Variants in BCL2L13 observed in about 807,000 individuals in gnomAD.
The protein encoded by BCL2L13 is bcl-2-like protein 13.
Under a neutral mutation model 25.8 loss-of-function variants are expected in BCL2L13, and 13 were observed. The ratio of observed to expected loss-of-function variants is 0.50; its 90% CI spans 0.33 to 0.80. The LOEUF (loss-of-function observed/expected upper bound fraction) is 0.80. BCL2L13 is among the 30% of genes least tolerant of loss of function. The pLI, the probability that BCL2L13 is intolerant of heterozygous loss-of-function variation, is 0.02. For synonymous variants in BCL2L13, 244 were observed against 230.3 expected (o/e 1.06, Z -0.54); for missense variants, 504 against 574.9 (o/e 0.88, Z 1.26).
Position 17,661,241 on chromosome 22 carries a change from C to T in BCL2L13, c.121+5409C>T, listed in dbSNP as rs1006821725. ...CCAAGTAGCTGGGATTACAGGCGCC[C>T]GCCACTGCCCCTGGCTAATTTTTGT... On this transcript the variant is annotated intron_variant, in intron 2 of 6. Transcript: ENST00000317582. 3.4e-5 allele frequency among the ~76,000 whole-genome samples: 5 copies of T among 145,258 alleles called. 1 individual carries two copies. The South Asian group carries it at 6.4e-4, about 19-fold the overall frequency.
chr22:17,656,757 C>T (rs983259381), intron 2 of BCL2L13, among the ~76,000 whole-genome samples: 2 of 152,058 alleles, frequency 1.3e-5, no homozygotes, highest in East Asian at 3.8e-4. Context: ...CTTTCACTTA[C>T]AATTGTTGAG....
At chr22:17,639,851 T>A (rs1385616696) in intron 1 of BCL2L13, among the ~76,000 whole-genome samples, 1 of 144,598 alleles carries the variant, frequency 6.9e-6, no homozygotes, top group Non-Finnish European at 1.5e-5. Flanking sequence ...TCAGATACCT[T>A]CTTTCTTTTT....
chr22:17,637,158 G>C (rs1261670280), upstream of BCL2L13, among the ~76,000 whole-genome samples: 1 of 152,002 alleles, frequency 6.6e-6, no homozygotes, highest in Non-Finnish European at 1.5e-5. Flanking sequence ...TGTAATCCCA[G>C]CACTTTGGGA....
rs1188835737 is a variant in BCL2L13 at position 17,728,878 on chromosome 22, TC to T, written c.*1346del. On this transcript the variant is annotated 3_prime_UTR_variant, in exon 7 of 7. Coordinates refer to ENST00000317582, the MANE Select transcript of BCL2L13 (RefSeq NM_015367.4). Reference sequence around the variant, plus strand: ...AGTTGAGCATCGGCATAATTTTCTTTCCTCTGGCTGATCCCAGCCCTAAAGG... The same window carrying T: ...AGTTGAGCATCGGCATAATTTTCTTTCTCTGGCTGATCCCAGCCCTAAAGG... 2.0e-5 allele frequency: 3 copies of T among 152,196 alleles called. No homozygotes were observed. The highest frequency in any genetic ancestry group is 4.4e-5 in the Non-Finnish European group (3 of 68,048). 9.4% of individuals were successfully genotyped at this position (152,196 alleles called of 1,614,324 possible).
intron 4 of BCL2L13, among the ~76,000 whole-genome samples, chr22:17,694,188 G>A (rs904595143): frequency 2.0e-5 from 3 of 151,240 alleles, no homozygotes; most frequent in African/African-American, 7.4e-5. Flanking sequence ...GCCTTCATAT[G>A]TTACTTGGTC....
At chr22:17,662,217 G>A (rs1046436320) in intron 2 of BCL2L13, among the ~76,000 whole-genome samples, 1 of 151,956 alleles carries the variant, frequency 6.6e-6, no homozygotes, top group Non-Finnish European at 1.5e-5. Flanking sequence ...GGTGGCTCAC[G>A]CCTGTAATCC....
At chr22:17,686,793 A>T (rs564452468) in intron 3 of BCL2L13, among the ~76,000 whole-genome samples, 1 of 152,190 alleles carries the variant, frequency 6.6e-6, no homozygotes, top group East Asian at 1.9e-4. Flanking sequence ...ACCGGTGTGA[A>T]ACACTGTGCC....
intron 6 of BCL2L13, among the ~76,000 whole-genome samples, chr22:17,710,995 A>T (rs1375041691): frequency 1.3e-5 from 2 of 152,192 alleles, no homozygotes; most frequent in Non-Finnish European, 2.9e-5. Context: ...AGATGAAAAG[A>T]TCCTCTAGAT....
intron 2 of BCL2L13, among the ~76,000 whole-genome samples, chr22:17,680,624 G>A (rs1193571239): frequency 5.9e-5 from 9 of 151,646 alleles, no homozygotes; most frequent in Admixed American, 5.9e-4. Flanking sequence ...TCTCCGAGGG[G>A]AGTGCATTGC....
chr22:17,631,027 A>G (rs1439009098), intron 1 of BCL2L13, among the ~76,000 whole-genome samples: 1 of 151,970 alleles, frequency 6.6e-6, no homozygotes, highest in Admixed American at 6.6e-5. Flanking sequence ...CTCCTTTAAT[A>G]TGGAAGAGTT....
At position 17,689,102 on chromosome 22, in the gene BCL2L13, A is replaced by G. The variant is rs764001507; in HGVS notation, c.346A>G (p.Lys116Glu). ...TGGAGAAAAAGTGTCCCAGGAACTGAAAGAGCCTCTCCATAAAGCATTGCA... is the reference window on the plus strand; with the variant it reads ...TGGAGAAAAAGTGTCCCAGGAACTGGAAGAGCCTCTCCATAAAGCATTGCA... ...HLGEKVSQEL[K>E]EPLHKALQML... The change falls in exon 4 of 7, where the codon AAA becomes GAA. Residue 116 changes from lysine to glutamate, a missense_variant. Physicochemically the swap from Lys to Glu is moderately conservative, Grantham distance 56. Transcript: ENST00000317582. 6.2e-7 allele frequency: 1 copy of G among 1,614,182 alleles called. No homozygotes were observed. Among genetic ancestry groups the G allele is most frequent in the Non-Finnish European group, 8.5e-7 (1 of 1,180,018 alleles).
chr22:17,697,180 T>C (rs1426218284), intron 5 of BCL2L13, among the ~76,000 whole-genome samples: 1 of 151,924 alleles, frequency 6.6e-6, no homozygotes, highest in African/African-American at 2.4e-5. Context: ...GGCTCATGCC[T>C]GTAATCCCAT....
intron 6 of BCL2L13, among the ~76,000 whole-genome samples, chr22:17,708,553 C>G (rs1258535721): frequency 6.6e-6 from 1 of 152,088 alleles, no homozygotes; most frequent in African/African-American, 2.4e-5. Flanking sequence ...TAAGGGTTAC[C>G]TATTATTGCT....
upstream of BCL2L13, among the ~76,000 whole-genome samples, chr22:17,635,343 C>G (rs2058087895): frequency 6.6e-6 from 1 of 152,140 alleles, no homozygotes; most frequent in South Asian, 2.1e-4. Context: ...TGAGACCAGC[C>G]TAGCCAACAT....
chr22:17,633,127 T>C (rs1439827889), intron 1 of BCL2L13, among the ~76,000 whole-genome samples: 1 of 152,172 alleles, frequency 6.6e-6, no homozygotes, highest in Non-Finnish European at 1.5e-5. Context: ...TCCCATACCA[T>C]GCACCACTAC....
At chr22:17,661,524 ACAGT>A (rs1270271935) in intron 2 of BCL2L13, among the ~76,000 whole-genome samples, 1 of 146,286 alleles carries the variant, frequency 6.8e-6, no homozygotes, top group Non-Finnish European at 1.6e-5. Context: ...GAAGTGGCTG[ACAGT>A]CAAAGGGCTG....
chr22:17,719,891 G>C (rs1035312027), intron 6 of BCL2L13, among the ~76,000 whole-genome samples: 2 of 150,574 alleles, frequency 1.3e-5, no homozygotes, highest in African/African-American at 4.9e-5. Context: ...GGTGGGCCTT[G>C]AAAACATTAT....
chr22:17,682,767 A>G (rs2059793742), intron 2 of BCL2L13, among the ~76,000 whole-genome samples: 1 of 152,140 alleles, frequency 6.6e-6, no homozygotes, highest in African/African-American at 2.4e-5. Flanking sequence ...TTTTTTAATT[A>G]TTGCAAAAAG....
At chr22:17,656,540 G>A (rs925715410) in intron 2 of BCL2L13, among the ~76,000 whole-genome samples, 1 of 151,020 alleles carries the variant, frequency 6.6e-6, no homozygotes, top group African/African-American at 2.4e-5. Flanking sequence ...TAGAGATGAG[G>A]TTTTGCCGTG....
Sources: gnomAD v4.1 joint callset for allele counts (sites outside exome capture counted in the v4.1 genomes callset) on GRCh38, gnomAD v4.1.1 for gene constraint, MANE v1.5 for transcripts, NCBI Gene and HGNC (gene_info 2026-07-23, HGNC 2026-07-21) for gene names.